The following SOX5 variants were observed in gnomAD, a reference collection of about 807,000 sequenced individuals.
SOX5 encodes transcription factor SOX-5.
SOX5 carries 9 observed loss-of-function variants against 92.0 expected under a neutral mutation model. That is an observed-to-expected ratio of 0.10 (90% confidence interval 0.06 to 0.17). The LOEUF (loss-of-function observed/expected upper bound fraction) is 0.17. Among genes scored for constraint, SOX5 ranks in the 10% least tolerant of loss-of-function variants. SOX5 has a pLI of 1.00. For missense variants in SOX5, 642 were observed against 944.5 expected (o/e 0.68, Z 4.20); for synonymous variants, 344 against 336.3 (o/e 1.02, Z -0.25).
intron 4 of SOX5, among the ~76,000 whole-genome samples, chr12:24,169,286 T>G (rs1330832887): frequency 1.3e-5 from 2 of 152,200 alleles, no homozygotes; most frequent in African/African-American, 4.8e-5. Flanking sequence ...CAGACACATC[T>G]TATAGAAAAC....
chr12:24,337,929 C>T (rs1352593072), intron 2 of SOX5, among the ~76,000 whole-genome samples: 1 of 150,664 alleles, frequency 6.6e-6, no homozygotes. Flanking sequence ...CAATGTGACA[C>T]ACAAAATTTT....
At chr12:24,127,120 G>T (rs1319652875) in intron 4 of SOX5, among the ~76,000 whole-genome samples, 2 of 151,966 alleles carry the variant, frequency 1.3e-5, no homozygotes, top group African/African-American at 4.8e-5. Flanking sequence ...AGGCACAGTG[G>T]CTCATGCCTG....
chr12:23,762,081 T>C (rs2094576981), intron 3 of SOX5, among the ~76,000 whole-genome samples: 1 of 152,118 alleles, frequency 6.6e-6, no homozygotes, highest in African/African-American at 2.4e-5. Context: ...ATCTACACAA[T>C]ATTAGGGAGC....
chr12:23,958,082 T>C (rs141808971), intron 4 of SOX5, among the ~76,000 whole-genome samples: 75 of 152,166 alleles, frequency 4.9e-4, no homozygotes, highest in Non-Finnish European at 7.7e-4. Context: ...ACTATAAGCA[T>C]TTGTAAAATA....
intron 1 of SOX5, among the ~76,000 whole-genome samples, chr12:24,405,805 G>C (rs1019162290): frequency 6.6e-6 from 1 of 152,146 alleles, no homozygotes; most frequent in Admixed American, 6.5e-5. Context: ...AAGAAATTGA[G>C]AACTATGGAT....
chr12:23,834,299 G>T (rs939076573), intron 3 of SOX5, among the ~76,000 whole-genome samples: 9 of 152,008 alleles, frequency 5.9e-5, no homozygotes, highest in African/African-American at 2.2e-4. Context: ...TTGAAGAGTG[G>T]TGGAAAATAA....
intron 1 of SOX5, among the ~76,000 whole-genome samples, chr12:24,489,437 G>A (rs1946833445): frequency 6.6e-6 from 1 of 152,118 alleles, no homozygotes; most frequent in South Asian, 2.1e-4. Flanking sequence ...TGGACTTGCG[G>A]GAGGCTGTTC....
intron 1 of SOX5, among the ~76,000 whole-genome samples, chr12:24,384,326 C>G (rs1208270427): frequency 1.3e-5 from 2 of 152,180 alleles, no homozygotes; most frequent in Non-Finnish European, 2.9e-5. Context: ...GGTGGTAATG[C>G]TGGCTCACCT....
chr12:23,581,899 T>A (rs184478541), intron 9 of SOX5, among the ~76,000 whole-genome samples: 293 of 151,638 alleles, frequency 1.9e-3, no homozygotes, highest in African/African-American at 6.7e-3. Context: ...AAAAAATATA[T>A]ATATATATAT....
In SOX5 at chr12:24,434,452, T is replaced by C. The variant is rs918335014; in HGVS notation, c.-250-65813A>G. 2.0e-5 allele frequency among the ~76,000 whole-genome samples: 3 copies of C among 152,174 alleles called. No individual in the cohort carries two copies. The East Asian group carries it at 5.8e-4, about 29-fold the overall frequency. On this transcript the variant is annotated intron_variant, in intron 1 of 4. Transcript: ENST00000446891. The stretch of plus-strand genomic sequence containing the variant: ...TACTACCACCAACTCCTGTATACGC[T>C]CTACAGTCATGAGAAAGGACCCCTC...
chr12:24,396,150 G>A (rs1175636393), intron 1 of SOX5, among the ~76,000 whole-genome samples: 1 of 152,184 alleles, frequency 6.6e-6, no homozygotes, highest in Non-Finnish European at 1.5e-5. Context: ...TCTTTACAAA[G>A]GCTAAGGTTA....
intron 3 of SOX5, among the ~76,000 whole-genome samples, chr12:23,810,885 T>C (rs987096985): frequency 1.3e-5 from 2 of 152,182 alleles, no homozygotes; most frequent in Non-Finnish European, 2.9e-5. Flanking sequence ...CTTTTTGAGC[T>C]TCACAGCCAC....
At chr12:23,815,585 G>A (rs950376637) in intron 3 of SOX5, among the ~76,000 whole-genome samples, 3 of 152,106 alleles carry the variant, frequency 2.0e-5, no homozygotes, top group East Asian at 1.9e-4. Flanking sequence ...ACTTTTTAAA[G>A]TAATTATTTT....
intron 3 of SOX5, among the ~76,000 whole-genome samples, chr12:24,241,090 C>T (rs1965476500): frequency 6.9e-6 from 1 of 143,914 alleles, no homozygotes; most frequent in African/African-American, 2.6e-5. Context: ...GTAGAGAAGG[C>T]CTAAGCTTGT....
intron 4 of SOX5, among the ~76,000 whole-genome samples, chr12:24,053,504 T>C (rs7139365): frequency 0.64 from 96,894 of 151,996 alleles, 31,447 homozygotes; most frequent in Non-Finnish European, 0.71. Context: ...ACCTAGACAA[T>C]ATAAAATGGG....
intron 4 of SOX5, among the ~76,000 whole-genome samples, chr12:23,969,164 T>A (rs1471341130): frequency 6.6e-6 from 1 of 152,194 alleles, no homozygotes; most frequent in Non-Finnish European, 1.5e-5. Flanking sequence ...ATCTATTGAT[T>A]CTCCAAGTCT....
At chr12:23,840,970 A>C (rs2096506379) in intron 3 of SOX5, among the ~76,000 whole-genome samples, 2 of 152,162 alleles carry the variant, frequency 1.3e-5, no homozygotes, top group African/African-American at 4.8e-5. Flanking sequence ...TAATCCATGC[A>C]AAACAATTAA....
At chr12:24,504,367 G>A (rs1005544986) in intron 1 of SOX5, among the ~76,000 whole-genome samples, 1 of 151,868 alleles carries the variant, frequency 6.6e-6, no homozygotes, top group Non-Finnish European at 1.5e-5. Flanking sequence ...ATATAAATGT[G>A]GGCTTTTAAA....
chr12:24,233,625 G>A (rs1392223890), intron 3 of SOX5, among the ~76,000 whole-genome samples: 1 of 152,188 alleles, frequency 6.6e-6, no homozygotes, highest in Non-Finnish European at 1.5e-5. Flanking sequence ...TCCAAATGAG[G>A]GTTTTCTAGA....
Sources: gnomAD v4.1 joint callset for allele counts (sites outside exome capture counted in the v4.1 genomes callset) on GRCh38, gnomAD v4.1.1 for gene constraint, MANE v1.5 for transcripts, NCBI Gene and HGNC (gene_info 2026-07-23, HGNC 2026-07-21) for gene names.